The following KANSL1L variants were observed in gnomAD, a reference collection of about 807,000 sequenced individuals.
KANSL1L encodes the protein KAT8 regulatory NSL complex subunit 1 like.
Under a neutral mutation model 108.6 loss-of-function variants are expected in KANSL1L, and 25 were observed. The ratio of observed to expected loss-of-function variants is 0.23; its 90% CI spans 0.17 to 0.32. The LOEUF is 0.32. Ranked by LOEUF, KANSL1L falls within the 10% of genes least tolerant of loss-of-function variation. The pLI is 1.00. For synonymous variants in KANSL1L, 405 were observed against 395.1 expected (o/e 1.03, Z -0.30); for missense variants, 1,137 against 1,125.7 (o/e 1.01, Z -0.14).
At chr2:210,056,372 C>T (rs1358894064) in intron 6 of KANSL1L, among the ~76,000 whole-genome samples, 2 of 152,240 alleles carry the variant, frequency 1.3e-5, no homozygotes, top group Admixed American at 6.5e-5. Flanking sequence ...TATCATTTCA[C>T]TCCTCCACAC....
intron 14 of KANSL1L, 65 bp downstream of exon 14, chr2:210,023,968 A>G: frequency 9.0e-7 from 1 of 1,111,524 alleles, no homozygotes; most frequent in Non-Finnish European, 1.2e-6. Context: ...TTTTTCAAGT[A>G]GTTTCTACAA....
intron 5 of KANSL1L, among the ~76,000 whole-genome samples, chr2:210,095,084 T>C (rs948523862): frequency 6.6e-6 from 1 of 152,090 alleles, no homozygotes; most frequent in Non-Finnish European, 1.5e-5. Context: ...ACACATATCT[T>C]AATCTATTTC....
intron 10 of KANSL1L, 80 bp downstream of exon 10, chr2:210,029,723 A>G (rs1323481424): frequency 2.9e-6 from 2 of 701,390 alleles, no homozygotes; most frequent in African/African-American, 3.6e-5. Flanking sequence ...GTTATAGATT[A>G]GCAAAATATA....
chr2:210,128,149 T>G, intron 3 of KANSL1L, among the ~76,000 whole-genome samples: 1 of 152,288 alleles, frequency 6.6e-6, no homozygotes, highest in East Asian at 1.9e-4. Context: ...CTGAACCTTG[T>G]GTACTGCTGG....
intron 6 of KANSL1L, among the ~76,000 whole-genome samples, chr2:210,061,978 T>C (rs961938668): frequency 1.3e-5 from 2 of 152,236 alleles, no homozygotes; most frequent in East Asian, 3.8e-4. Flanking sequence ...TATGTGTATC[T>C]TCTCATTCCA....
chr2:210,052,294 C>T (rs1481301027), intron 6 of KANSL1L, among the ~76,000 whole-genome samples: 1 of 152,144 alleles, frequency 6.6e-6, no homozygotes, highest in African/African-American at 2.4e-5. Context: ...TGAGCCACCA[C>T]ACTAGGCCTT....
chr2:210,049,738 A>G (rs2094268302), intron 6 of KANSL1L, among the ~76,000 whole-genome samples: 1 of 152,236 alleles, frequency 6.6e-6, no homozygotes, highest in South Asian at 2.1e-4. Flanking sequence ...GACACTTTCA[A>G]ACTTGTTGTG....
intron 5 of KANSL1L, among the ~76,000 whole-genome samples, chr2:210,078,662 T>TA (rs1389338625): frequency 6.6e-6 from 1 of 152,210 alleles, no homozygotes; most frequent in Non-Finnish European, 1.5e-5. Flanking sequence ...TAAATTCACT[T>TA]ATTTCACACA....
At chr2:210,049,845 A>T (rs1218972837) in intron 6 of KANSL1L, among the ~76,000 whole-genome samples, 1 of 152,238 alleles carries the variant, frequency 6.6e-6, no homozygotes, top group Non-Finnish European at 1.5e-5. Flanking sequence ...ATGAAGGAGA[A>T]CAGCTATAGG....
At chr2:210,063,624 G>A (rs2094440831) in intron 6 of KANSL1L, among the ~76,000 whole-genome samples, 1 of 152,166 alleles carries the variant, frequency 6.6e-6, no homozygotes. Context: ...TCATTCTGGA[G>A]CTTTAATATT....
At position 210,079,612 on chromosome 2, in the gene KANSL1L, GTATATATATATATATATA is replaced by G. The variant is rs60144283; in HGVS notation, c.1551-3874_1551-3857del. On this transcript the variant is annotated intron_variant, in intron 5 of 14. Transcript: ENST00000281772. ...TCTCAAAAAAAAAAAATATGTATGTGTATATATATATATATATATATATATATATATATATATATATAT... is the reference window on the plus strand; with the variant it reads ...TCTCAAAAAAAAAAAATATGTATGTGTATATATATATATATATATATATAT... 5.3e-3 allele frequency among the ~76,000 whole-genome samples: 348 copies of G among 65,640 alleles called. 21 individuals carry two copies. The highest frequency in any genetic ancestry group is 0.03 in the African/African-American group (318 of 10,620). 43.1% of individuals were successfully genotyped at this position (65,640 alleles called of 152,430 possible).
At chr2:210,079,612 G>GTATATATA (rs60144283) in intron 5 of KANSL1L, among the ~76,000 whole-genome samples, 1 of 65,680 alleles carries the variant, frequency 1.5e-5, no homozygotes, top group African/African-American at 9.4e-5. Flanking sequence ...ATATGTATGT[G>GTATATATA]TATATATATA....
intron 1 of KANSL1L, among the ~76,000 whole-genome samples, chr2:210,164,108 G>A (rs2095374800): frequency 6.6e-6 from 1 of 152,036 alleles, no homozygotes; most frequent in South Asian, 2.1e-4. Context: ...AAAGAAACAT[G>A]AAAAATTAAA....
chr2:210,153,393 TA>T, intron 2 of KANSL1L, 101 bp downstream of exon 2: 1 of 912,432 alleles, frequency 1.1e-6, no homozygotes, highest in South Asian at 1.7e-5. Context: ...ATTATAGCAT[TA>T]AGATTTTAGA....
intron 2 of KANSL1L, among the ~76,000 whole-genome samples, chr2:210,140,278 TTC>T (rs1369891456): frequency 1.3e-5 from 2 of 152,184 alleles, no homozygotes; most frequent in Non-Finnish European, 2.9e-5. Flanking sequence ...GAGAAGCTTT[TTC>T]TGTTTTATTC....
intron 6 of KANSL1L, among the ~76,000 whole-genome samples, chr2:210,052,324 A>AC (rs1043454276): frequency 4.0e-5 from 6 of 151,886 alleles, no homozygotes; most frequent in Admixed American, 3.9e-4. Flanking sequence ...TTCTAAAGGC[A>AC]CTTTTTTTTT....
intron 6 of KANSL1L, among the ~76,000 whole-genome samples, chr2:210,053,439 A>T (rs952994618): frequency 6.6e-6 from 1 of 152,168 alleles, no homozygotes; most frequent in Non-Finnish European, 1.5e-5. Flanking sequence ...TCTACTAAAA[A>T]TACAAAAATA....
chr2:210,100,886 C>T (rs948788537), intron 4 of KANSL1L, among the ~76,000 whole-genome samples: 8 of 152,280 alleles, frequency 5.3e-5, no homozygotes, highest in Middle Eastern at 3.4e-3. Context: ...AATCTGCCCA[C>T]CTTGGTCTCC....
intron 5 of KANSL1L, among the ~76,000 whole-genome samples, chr2:210,095,634 T>C (rs960768809): frequency 6.6e-6 from 1 of 152,122 alleles, no homozygotes; most frequent in African/African-American, 2.4e-5. Flanking sequence ...TTTAATGAAA[T>C]CAGGAGTCAG....
Sources: allele counts gnomAD v4.1 joint callset (sites outside exome capture counted in the v4.1 genomes callset), GRCh38; gene constraint gnomAD v4.1.1; transcripts MANE v1.5; gene names NCBI Gene and HGNC (gene_info 2026-07-23, HGNC 2026-07-21).